The following PCNX1 variants were observed in gnomAD, a reference collection of about 807,000 sequenced individuals.
PCNX1 encodes the protein pecanex 1.
Under a neutral mutation model 242.2 loss-of-function variants are expected in PCNX1, and 78 were observed. The ratio of observed to expected loss-of-function variants is 0.32; its 90% CI spans 0.27 to 0.39. The LOEUF is 0.39. Among genes scored for constraint, PCNX1 ranks in the 10% least tolerant of loss-of-function variants. PCNX1 has a pLI of 1.00. For synonymous variants in PCNX1, 1,024 were observed against 1,032.9 expected, an observed-to-expected ratio of 0.99 and a Z score of 0.17; for missense variants, 2,581 against 2,856.5, an observed-to-expected ratio of 0.90 and a Z score of 2.20.
At chr14:71,073,393 A>G (rs917404816) in intron 26 of PCNX1, 152 bp from the exon 27 acceptor site, 3 of 737,720 alleles carry the variant, frequency 4.1e-6, no homozygotes, top group Non-Finnish European at 6.6e-6. Flanking sequence ...GGAGTTTGCT[A>G]CAATTTGTTA....
chr14:71,042,545 A>G (rs1042806139), intron 19 of PCNX1, among the ~76,000 whole-genome samples: 7 of 151,896 alleles, frequency 4.6e-5, no homozygotes, highest in African/African-American at 1.7e-4. Context: ...TTCCCTTTCA[A>G]TCTATGTGTG....
intron 2 of PCNX1, among the ~76,000 whole-genome samples, chr14:70,947,802 T>C (rs976321610): frequency 1.3e-5 from 2 of 152,130 alleles, no homozygotes; most frequent in East Asian, 3.9e-4. Context: ...CGGAACAGAG[T>C]CATATTTCTC....
chr14:71,050,156 AT>A (rs34437472), intron 22 of PCNX1, among the ~76,000 whole-genome samples: 5 of 151,086 alleles, frequency 3.3e-5, no homozygotes, highest in Admixed American at 6.6e-5. Flanking sequence ...AGACATCTTG[AT>A]TTTTTTTCTT....
chr14:71,089,666 G>A (rs1293183481), intron 30 of PCNX1, among the ~76,000 whole-genome samples: 1 of 152,114 alleles, frequency 6.6e-6, no homozygotes, highest in African/African-American at 2.4e-5. Flanking sequence ...GCAGCATGGG[G>A]GTAACTGCTC....
At chr14:70,912,001 G>A (rs2055934454) in intron 1 of PCNX1, among the ~76,000 whole-genome samples, 1 of 152,104 alleles carries the variant, frequency 6.6e-6, no homozygotes, top group South Asian at 2.1e-4. Context: ...GGGAGGCCGA[G>A]GCAGGCAGAT....
intron 1 of PCNX1, among the ~76,000 whole-genome samples, chr14:70,917,506 C>T (rs979575119): frequency 6.6e-6 from 1 of 152,106 alleles, no homozygotes; most frequent in African/African-American, 2.4e-5. Context: ...AACTAGGTAC[C>T]ATGTCAAGGA....
At chr14:71,091,390 C>T (rs1408512335) in intron 30 of PCNX1, among the ~76,000 whole-genome samples, 19 of 152,178 alleles carry the variant, frequency 1.2e-4, no homozygotes, top group Admixed American at 1.2e-3. Flanking sequence ...TACAACCCAA[C>T]AATTCTACTT....
chr14:71,041,814 TATACTATACTATACA>T (rs2060716022), intron 19 of PCNX1, among the ~76,000 whole-genome samples: 1 of 137,046 alleles, frequency 7.3e-6, no homozygotes, highest in Non-Finnish European at 1.5e-5. Context: ...TATACTATAC[TATACTATACTATACA>T]CTTCCCTTTA....
intron 12 of PCNX1, among the ~76,000 whole-genome samples, chr14:71,020,674 T>C (rs1049102381): frequency 2.0e-5 from 3 of 151,910 alleles, no homozygotes; most frequent in Admixed American, 1.3e-4. Flanking sequence ...GGATGTCAGA[T>C]GGATAGATTG....
intron 26 of PCNX1, among the ~76,000 whole-genome samples, chr14:71,065,935 A>G (rs933607622): frequency 6.6e-6 from 1 of 151,652 alleles, no homozygotes; most frequent in African/African-American, 2.4e-5. Flanking sequence ...GATGCGTGGC[A>G]TTATTTCTGA....
rs148086535 is a variant in PCNX1 at position 70,947,442 on chromosome 14, T to C, written c.362+319T>C. Among the ~76,000 whole-genome samples, 45 of 152,330 alleles carry C rather than the reference T, an allele frequency of 3.0e-4. No homozygotes were observed. The East Asian group carries it at 6.6e-3, about 22-fold the overall frequency. On this transcript the variant is annotated intron_variant, in intron 2 of 35. Coordinates refer to ENST00000304743, the MANE Select transcript of PCNX1 (RefSeq NM_014982.3). ...AAGAACATAAACTGTGAGGATTTCA[T>C]GGACATTTGTTAGTTCCCCAAATTA... is the stretch of plus-strand genomic sequence containing the variant.
Position 71,110,333 on chromosome 14 carries a change from GA to G in PCNX1, c.*401del. 1 of 306,890 alleles carries G rather than the reference GA, an allele frequency of 3.3e-6. No individual in the cohort carries two copies. The highest frequency in any genetic ancestry group is 6.3e-6 in the Non-Finnish European group (1 of 157,582). The allele number at this position is 306,890 out of a possible 1,614,324, so 19.0% of individuals were successfully genotyped here. On this transcript the variant is annotated 3_prime_UTR_variant, in exon 36 of 36. Transcript: ENST00000304743. ...ATTGCCATGTTTTGTCATAGAACAT[GA>G]AATTCATTTACCTTGATTTTTAAGA... is the stretch of plus-strand genomic sequence containing the variant.
At chr14:71,098,155 T>G (rs562006532) in intron 30 of PCNX1, among the ~76,000 whole-genome samples, 1 of 152,292 alleles carries the variant, frequency 6.6e-6, no homozygotes, top group East Asian at 1.9e-4. Context: ...ATGTCTGTCT[T>G]TTACCAGTAC....
intron 12 of PCNX1, among the ~76,000 whole-genome samples, chr14:71,019,752 ATAG>A (rs551015734): frequency 1.3e-4 from 20 of 151,396 alleles, no homozygotes; most frequent in Non-Finnish European, 2.2e-4. Context: ...TTTTTTTTTA[ATAG>A]TAGTAGTTTT....
chr14:71,098,584 A>T (rs1240757796), intron 30 of PCNX1, among the ~76,000 whole-genome samples: 2 of 142,446 alleles, frequency 1.4e-5, no homozygotes, highest in African/African-American at 5.3e-5. Flanking sequence ...TGTAGATGGG[A>T]TTGCATTATT....
chr14:71,084,949 T>C (rs1006244308), intron 28 of PCNX1, among the ~76,000 whole-genome samples: 2 of 152,182 alleles, frequency 1.3e-5, no homozygotes, highest in African/African-American at 2.4e-5. Context: ...AGTTTTGTGC[T>C]TGAAACCCAG....
chr14:70,941,438 G>T (rs568517817), intron 1 of PCNX1, among the ~76,000 whole-genome samples: 1 of 152,334 alleles, frequency 6.6e-6, no homozygotes, highest in African/African-American at 2.4e-5. Flanking sequence ...GGAGGCTGCA[G>T]AACAGCAAAT....
In PCNX1 at chr14:71,046,956, C is replaced by T; in HGVS notation, c.4019-8C>T. On this transcript the variant is annotated splice_region_variant and splice_polypyrimidine_tract_variant and intron_variant, in intron 20 of 35. Coordinates refer to ENST00000304743, the MANE Select transcript of PCNX1 (RefSeq NM_014982.3). ...GACATGTAGTCTTGATTTATACTGCCTTGTTAGATGCAGCCACTATGATGT... is the reference window on the plus strand; with the variant it reads ...GACATGTAGTCTTGATTTATACTGCTTTGTTAGATGCAGCCACTATGATGT... 2 of 1,601,822 alleles carry T rather than the reference C, an allele frequency of 1.2e-6. No individual in the cohort carries two copies.
chr14:70,976,670 G>A (rs150329112), intron 5 of PCNX1, among the ~76,000 whole-genome samples: 7 of 152,156 alleles, frequency 4.6e-5, no homozygotes, highest in African/African-American at 1.4e-4. Context: ...ACTGCGCCCG[G>A]CCCCTTTGTT....
Sources: gnomAD v4.1 joint callset for allele counts (sites outside exome capture counted in the v4.1 genomes callset) on GRCh38, gnomAD v4.1.1 for gene constraint, MANE v1.5 for transcripts, NCBI Gene and HGNC (gene_info 2026-07-23, HGNC 2026-07-21) for gene names.